The following GLP1R variants were observed in gnomAD, a reference collection of about 807,000 sequenced individuals.
The protein encoded by GLP1R is glucagon like peptide 1 receptor.
In GLP1R, 32 loss-of-function variants were observed where a neutral mutation model predicts 68.4. The ratio of observed to expected loss-of-function variants is 0.47; its 90% CI spans 0.35 to 0.63. The LOEUF (loss-of-function observed/expected upper bound fraction) is 0.63, where lower values mean the gene tolerates loss of function less well. GLP1R is among the 20% of genes least tolerant of loss of function. The pLI is 0.00. For synonymous variants in GLP1R, 263 were observed against 244.4 expected, an observed-to-expected ratio of 1.08 and a Z score of -0.71; for missense variants, 502 against 594.9, an observed-to-expected ratio of 0.84 and a Z score of 1.62.
Position 39,087,931 on chromosome 6 carries a change from G to C in GLP1R, c.*1858G>C, listed in dbSNP as rs1158864053. Among the ~76,000 whole-genome samples, 2 of 152,172 alleles carry C rather than the reference G, an allele frequency of 1.3e-5. No homozygotes were observed. Among genetic ancestry groups the C allele is most frequent in the Non-Finnish European group, 2.9e-5 (2 of 68,040 alleles). ...CTCTTCGTAAGCGTGGGCACCAGTGGGTTGATGTGGGAAACAGTGCTGGTG... is the reference window on the plus strand; with the variant it reads ...CTCTTCGTAAGCGTGGGCACCAGTGCGTTGATGTGGGAAACAGTGCTGGTG... On this transcript the variant is annotated 3_prime_UTR_variant, in exon 13 of 13. Coordinates refer to ENST00000373256, the MANE Select transcript of GLP1R (RefSeq NM_002062.5).
chr6:39,058,390 G>A (rs1413029917), intron 3 of GLP1R, among the ~76,000 whole-genome samples: 1 of 152,138 alleles, frequency 6.6e-6, no homozygotes, highest in Non-Finnish European at 1.5e-5. Context: ...GCTCACTCCT[G>A]CCTGCAAGGG....
chr6:39,069,483 AT>A, intron 5 of GLP1R, among the ~76,000 whole-genome samples: 1 of 152,226 alleles, frequency 6.6e-6, no homozygotes, highest in Admixed American at 6.5e-5. Flanking sequence ...AATACAAAAA[AT>A]TAGCTGGGTG....
In GLP1R at chr6:39,075,716, G is replaced by A. The variant is rs116364770; in HGVS notation, c.823+1947G>A. On this transcript the variant is annotated intron_variant, in intron 7 of 12. Transcript: ENST00000373256. The stretch of plus-strand genomic sequence containing the variant: ...ATGCCAGGAGGCCTTGCCCAAGCTG[G>A]GATACTTGGGAAACAACTTTCAGCT... 8.9e-3 allele frequency among the ~76,000 whole-genome samples: 1,349 copies of A among 152,302 alleles called. 17 individuals are homozygous for A. The highest frequency in any genetic ancestry group is 0.011 in the Non-Finnish European group (717 of 68,018).
At chr6:39,081,858 T>C (rs1350428300) in intron 12 of GLP1R, among the ~76,000 whole-genome samples, 1 of 152,092 alleles carries the variant, frequency 6.6e-6, no homozygotes, top group East Asian at 1.9e-4. Flanking sequence ...ATTTACAAAG[T>C]GGGGATAATC....
At chr6:39,084,096 C>T (rs971389168) in intron 12 of GLP1R, among the ~76,000 whole-genome samples, 4 of 151,980 alleles carry the variant, frequency 2.6e-5, no homozygotes, top group East Asian at 1.9e-4. Flanking sequence ...GCAAGAGCCA[C>T]GCAGGCAGGA....
intron 2 of GLP1R, among the ~76,000 whole-genome samples, chr6:39,056,821 T>C (rs1768225008): frequency 6.6e-6 from 1 of 152,204 alleles, no homozygotes; most frequent in Non-Finnish European, 1.5e-5. Flanking sequence ...CTGTCTTATC[T>C]GTGTGTCCTT....
chr6:39,070,400 C>T (rs925637488), intron 5 of GLP1R, among the ~76,000 whole-genome samples: 1 of 152,016 alleles, frequency 6.6e-6, no homozygotes, highest in African/African-American at 2.4e-5. Context: ...GAGTTGTTCT[C>T]TTTTTTTCTT....
In GLP1R at chr6:39,088,789, T is replaced by C. The variant is rs532290216; in HGVS notation, c.*2716T>C. 4.6e-5 allele frequency among the ~76,000 whole-genome samples: 7 copies of C among 152,330 alleles called. No homozygotes were observed. In the East Asian group the frequency reaches 1.4e-3, roughly 29 times the overall value. ...GTGCCTCATGCTGTAGACCACATCG[T>C]TGGAGCTCTGGGAGAGCTCTGAGCA... On this transcript the variant is annotated 3_prime_UTR_variant, in exon 13 of 13. Coordinates refer to ENST00000373256, the MANE Select transcript of GLP1R (RefSeq NM_002062.5).
chr6:39,051,461 G>C (rs1322456960), intron 1 of GLP1R, among the ~76,000 whole-genome samples: 4 of 152,170 alleles, frequency 2.6e-5, no homozygotes, highest in African/African-American at 9.7e-5. Flanking sequence ...GGAGTCCAGG[G>C]CTGAGCCTTG....
chr6:39,055,096 A>G (rs1369490534), intron 1 of GLP1R, among the ~76,000 whole-genome samples: 1 of 152,126 alleles, frequency 6.6e-6, no homozygotes, highest in Non-Finnish European at 1.5e-5. Context: ...GGGCCCTTCC[A>G]TGGGGCCTCC....
chr6:39,049,542 C>CCTA lies in GLP1R; in HGVS notation c.78+626_78+628dup, dbSNP rs1207185628. 6.6e-6 allele frequency among the ~76,000 whole-genome samples: 1 copy of CCTA among 152,116 alleles called. No homozygotes were observed. The highest frequency in any genetic ancestry group is 1.9e-4 in the East Asian group (1 of 5,192). ...CCCAGATGGAACCTACCCCCCGTCC[C>CCTA]CTACCAGCCTCTGTAGCAAACAGGC... On this transcript the variant is annotated intron_variant, in intron 1 of 12. Transcript: ENST00000373256. The surrounding 1 kb of genome is among the most constrained non-coding windows in gnomAD (Gnocchi z 4.5).
chr6:39,065,775 C>T lies in GLP1R; in HGVS notation c.348C>T (p.Ser116=). The change falls in exon 4 of 13, where the codon TCC becomes TCT. Residue 116 remains serine, a synonymous_variant. Transcript: ENST00000373256. ...GCCTCTGGCTGCAGAAGGACAACTC[C>T]AGCCTGCCCTGGAGGGACTTGTCGG... The part of the protein sequence containing the change: ...AEGLWLQKDN[S]SLPWRDLSEC... The T allele has an allele frequency of 6.3e-7, 1 of 1,595,714 alleles. No homozygotes were observed. The highest frequency in any genetic ancestry group is 8.5e-7 in the Non-Finnish European group (1 of 1,171,134).
rs112800266 is a variant in GLP1R at position 39,090,864 on chromosome 6, A to C, written c.*4791A>C. 2.0e-5 allele frequency among the ~76,000 whole-genome samples: 3 copies of C among 152,274 alleles called. No individual in the cohort carries two copies. The highest frequency in any genetic ancestry group is 2.1e-4 in the South Asian group (1 of 4,824). The stretch of plus-strand genomic sequence containing the variant: ...TGCAGGGGAGCCAACGGGGGCATTG[A>C]GGGAAGGGCAAAATTCACCCCAGAC... On this transcript the variant is annotated 3_prime_UTR_variant, in exon 13 of 13. Coordinates refer to ENST00000373256, the MANE Select transcript of GLP1R (RefSeq NM_002062.5).
intron 1 of GLP1R, among the ~76,000 whole-genome samples, chr6:39,055,995 G>T (rs997131310): frequency 1.4e-4 from 22 of 152,262 alleles, no homozygotes; most frequent in African/African-American, 4.6e-4. Context: ...AGTGCAAGAA[G>T]CCCTCAGGCA....
chr6:39,068,605 G>A (rs1372995663), intron 5 of GLP1R, among the ~76,000 whole-genome samples: 2 of 152,232 alleles, frequency 1.3e-5, no homozygotes, highest in Non-Finnish European at 2.9e-5. Flanking sequence ...CTGTGTGTCT[G>A]TAGAGTTAGC....
intron 12 of GLP1R, among the ~76,000 whole-genome samples, chr6:39,082,890 C>G (rs1384263598): frequency 6.6e-6 from 1 of 152,082 alleles, no homozygotes; most frequent in Non-Finnish European, 1.5e-5. Flanking sequence ...TCCTCTGACA[C>G]TGTCACTGCA....
chr6:39,079,171 T>A lies in GLP1R; in HGVS notation c.1014T>A (p.Asn338Lys). Residue 338 changes from asparagine to lysine, a missense_variant, in exon 10 of 13, where the codon AAT becomes AAA. Asn to Lys is a moderately conservative substitution (Grantham distance 94). Coordinates refer to ENST00000373256, the MANE Select transcript of GLP1R (RefSeq NM_002062.5). The surrounding 1 kb of genome is among the most constrained non-coding windows in gnomAD (Gnocchi z 4.5). ...TCGTGGTATCCAAACTGAAGGCCAATCTCATGTGCAAGACAGACATCAAAT... is the reference window on the plus strand; with the variant it reads ...TCGTGGTATCCAAACTGAAGGCCAAACTCATGTGCAAGACAGACATCAAAT... ...ICIVVSKLKA[N>K]LMCKTDIKCR... The A allele has an allele frequency of 6.2e-7, 1 of 1,613,848 alleles. No homozygotes were observed. The highest frequency in any genetic ancestry group is 8.5e-7 in the Non-Finnish European group (1 of 1,179,766).
chr6:39,057,885 G>A (rs1172325244), intron 3 of GLP1R, among the ~76,000 whole-genome samples: 2 of 152,214 alleles, frequency 1.3e-5, no homozygotes, highest in African/African-American at 4.8e-5. Flanking sequence ...TGGGTCAGCA[G>A]TGGTGAGCTC....
chr6:39,081,070 A>G (rs556374143), intron 12 of GLP1R, among the ~76,000 whole-genome samples: 12 of 152,182 alleles, frequency 7.9e-5, no homozygotes, highest in African/African-American at 2.4e-4. Flanking sequence ...TTCAACACAC[A>G]CATACCCAAG....
Sources: gnomAD v4.1 joint callset for allele counts (sites outside exome capture counted in the v4.1 genomes callset) on GRCh38, gnomAD v4.1.1 for gene constraint, Gnocchi (gnomAD v3.1) non-coding constraint, MANE v1.5 for transcripts, NCBI Gene and HGNC (gene_info 2026-07-23, HGNC 2026-07-21) for gene names.